The following STAG1 variants were observed in gnomAD, a reference collection of about 807,000 sequenced individuals.
STAG1 encodes cohesin subunit SA-1.
A neutral mutation model predicts 170.9 loss-of-function variants in STAG1; 26 were observed. The observed-to-expected ratio is 0.15, with a 90% confidence interval of 0.11 to 0.21. The LOEUF is 0.21. Ranked by LOEUF, STAG1 falls within the 10% of genes least tolerant of loss-of-function variation. The pLI, the probability that STAG1 is intolerant of heterozygous loss-of-function variation, is 1.00. For missense variants in STAG1, 964 were observed against 1,509.5 expected, an observed-to-expected ratio of 0.64 and a Z score of 5.99; for synonymous variants, 514 against 497.7, an observed-to-expected ratio of 1.03 and a Z score of -0.44.
chr3:136,491,086 C>T (rs1316528149), intron 9 of STAG1, among the ~76,000 whole-genome samples: 1 of 152,056 alleles, frequency 6.6e-6, no homozygotes, highest in Non-Finnish European at 1.5e-5. Context: ...ATTGTACTCA[C>T]TACTACTACT....
chr3:136,629,943 C>T (rs1940264144), intron 2 of STAG1, among the ~76,000 whole-genome samples: 1 of 152,086 alleles, frequency 6.6e-6, no homozygotes, highest in East Asian at 1.9e-4. Context: ...TGCATGTAAT[C>T]CCGGCACTTT....
intron 4 of STAG1, among the ~76,000 whole-genome samples, chr3:136,589,545 C>T (rs1938038162): frequency 7.1e-6 from 1 of 141,686 alleles, no homozygotes; most frequent in African/African-American, 2.7e-5. Context: ...GGCCAGACAG[C>T]AGAATCACTT....
chr3:136,371,135 T>C (rs1373549031), intron 23 of STAG1, among the ~76,000 whole-genome samples: 2 of 152,178 alleles, frequency 1.3e-5, no homozygotes, highest in African/African-American at 2.4e-5. Flanking sequence ...TTTCATGTGT[T>C]TTTTGGCTGC....
chr3:136,481,823 C>T (rs1386833906), intron 9 of STAG1, among the ~76,000 whole-genome samples: 6 of 81,096 alleles, frequency 7.4e-5, no homozygotes, highest in African/African-American at 2.7e-4. Context: ...GTGTATGTGT[C>T]GAGGAATGTA....
At chr3:136,425,211 T>C (rs1276373998) in intron 16 of STAG1, among the ~76,000 whole-genome samples, 2 of 152,236 alleles carry the variant, frequency 1.3e-5, no homozygotes, top group South Asian at 2.1e-4. Flanking sequence ...CTTTCAGTAG[T>C]GCATCCACCT....
intron 10 of STAG1, among the ~76,000 whole-genome samples, chr3:136,476,937 A>T (rs1046001976): frequency 1.3e-5 from 2 of 152,214 alleles, no homozygotes; most frequent in South Asian, 2.1e-4. Flanking sequence ...GTCCTAGAAA[A>T]TTTTTTTTAA....
chr3:136,630,684 C>CA (rs1365431894), intron 2 of STAG1, among the ~76,000 whole-genome samples, 186 bp downstream of exon 2: 1 of 152,114 alleles, frequency 6.6e-6, no homozygotes, highest in Non-Finnish European at 1.5e-5. Context: ...GTTGACAGTT[C>CA]AATAGCAAAA....
At chr3:136,547,855 CGTTTAATT>C (rs945361159) in intron 5 of STAG1, among the ~76,000 whole-genome samples, 12 of 152,074 alleles carry the variant, frequency 7.9e-5, no homozygotes, top group Admixed American at 2.0e-4. Flanking sequence ...TCAGGTCTTA[CGTTTAATT>C]GTTTAATCCA....
chr3:136,612,285 C>T (rs1939335996), intron 3 of STAG1, among the ~76,000 whole-genome samples: 2 of 152,076 alleles, frequency 1.3e-5, no homozygotes, highest in African/African-American at 2.4e-5. Context: ...TTTAGACTAA[C>T]ATCTTTCACT....
chr3:136,586,350 T>C (rs1214994791), intron 4 of STAG1, among the ~76,000 whole-genome samples: 6 of 152,268 alleles, frequency 3.9e-5, no homozygotes, highest in East Asian at 1.9e-4. Flanking sequence ...AAATTCTATA[T>C]ATATAGGGAT....
chr3:136,411,907 C>G (rs1455146032), intron 21 of STAG1, among the ~76,000 whole-genome samples: 1 of 151,956 alleles, frequency 6.6e-6, no homozygotes, highest in Non-Finnish European at 1.5e-5. Flanking sequence ...ATCACAAAAG[C>G]CTCCTGAGTA....
chr3:136,630,637 G>A (rs1940296702), intron 2 of STAG1, among the ~76,000 whole-genome samples: 1 of 152,118 alleles, frequency 6.6e-6, no homozygotes, highest in African/African-American at 2.4e-5. Flanking sequence ...CCTGATATAG[G>A]ACATTAACAT....
At chr3:136,663,720 T>C (rs770949364) in intron 1 of STAG1, among the ~76,000 whole-genome samples, 1 of 152,218 alleles carries the variant, frequency 6.6e-6, no homozygotes, top group African/African-American at 2.4e-5. Context: ...GTACTCTTTG[T>C]TCCACCCTTG....
At chr3:136,526,562 G>T (rs932801362) in intron 6 of STAG1, among the ~76,000 whole-genome samples, 2 of 152,154 alleles carry the variant, frequency 1.3e-5, no homozygotes, top group African/African-American at 4.8e-5. Context: ...TTGCCAGTCT[G>T]TGTCTTTTAA....
At chr3:136,442,818 T>C (rs1431173762) in intron 15 of STAG1, among the ~76,000 whole-genome samples, 1 of 152,140 alleles carries the variant, frequency 6.6e-6, no homozygotes, top group Non-Finnish European at 1.5e-5. Flanking sequence ...GGCAGGAAGA[T>C]TACTTGAGGC....
chr3:136,591,495 C>A, intron 4 of STAG1: 1 of 402,166 alleles, frequency 2.5e-6, no homozygotes, highest in Admixed American at 3.0e-5. Context: ...TCACTTGGGC[C>A]CAGAAGTTCG....
At chr3:136,551,612 T>C (rs891348395) in intron 5 of STAG1, among the ~76,000 whole-genome samples, 4 of 149,728 alleles carry the variant, frequency 2.7e-5, no homozygotes, top group Non-Finnish European at 5.9e-5. Flanking sequence ...CATGTGTCTA[T>C]TCTCAGTATT....
intron 14 of STAG1, among the ~76,000 whole-genome samples, chr3:136,451,648 A>G (rs1161399358): frequency 1.3e-5 from 2 of 152,092 alleles, no homozygotes; most frequent in Non-Finnish European, 2.9e-5. Flanking sequence ...CTGTAGTCCC[A>G]GCTACTCGGG....
chr3:136,448,185 T>C (rs9823373), intron 14 of STAG1, among the ~76,000 whole-genome samples: 26,774 of 152,164 alleles, frequency 0.18, 2,880 homozygotes, highest in Non-Finnish European at 0.24. Context: ...CAACATTTTA[T>C]AATTCTACTA....
Sources: allele counts gnomAD v4.1 joint callset (sites outside exome capture counted in the v4.1 genomes callset), GRCh38; gene constraint gnomAD v4.1.1; transcripts MANE v1.5; gene names NCBI Gene and HGNC (gene_info 2026-07-23, HGNC 2026-07-21).